The following PPP1R3A variants were observed in gnomAD, a reference collection of about 807,000 sequenced individuals.
PPP1R3A encodes the protein RG1.
Under a neutral mutation model 41.7 loss-of-function variants are expected in PPP1R3A, and 29 were observed. That is an observed-to-expected ratio of 0.70 (90% CI 0.52 to 0.95). The LOEUF is 0.95. Among genes scored for constraint, PPP1R3A ranks in the 40% least tolerant of loss-of-function variants. The probability of loss-of-function intolerance (pLI) is 0.00; values close to 1 mark genes in which losing one functional copy is unlikely to be tolerated. For synonymous variants in PPP1R3A, 485 were observed against 453.4 expected (o/e 1.07, Z -0.89); for missense variants, 1,352 against 1,292.4 (o/e 1.05, Z -0.71).
intron 1 of PPP1R3A, among the ~76,000 whole-genome samples, chr7:113,894,114 T>G (rs1796939400): frequency 1.3e-5 from 2 of 151,986 alleles, no homozygotes; most frequent in Non-Finnish European, 2.9e-5. Context: ...TGTAGAGCTG[T>G]GTACTCTCCA....
intron 1 of PPP1R3A, among the ~76,000 whole-genome samples, chr7:113,902,695 C>T (rs754233235): frequency 2.6e-5 from 4 of 151,948 alleles, no homozygotes; most frequent in African/African-American, 7.2e-5. Context: ...GTTACCTTCT[C>T]GATGAAGTGC....
chr7:113,918,214 C>G lies in PPP1R3A; in HGVS notation c.782+1G>C. 1 of 1,596,214 alleles carries G rather than the reference C, an allele frequency of 6.3e-7. No individual in the cohort carries two copies. Among genetic ancestry groups the G allele is most frequent in the Non-Finnish European group, 8.5e-7 (1 of 1,173,628 alleles). Reference sequence around the variant, plus strand: ...ATAAAATATGTAAGATATATCCTCACCTTGATTTTACCTTTAAGCAGCCTT... The same window carrying G: ...ATAAAATATGTAAGATATATCCTCAGCTTGATTTTACCTTTAAGCAGCCTT... On this transcript the variant is annotated splice_donor_variant, in intron 1 of 3. Coordinates refer to ENST00000284601, the MANE Select transcript of PPP1R3A (RefSeq NM_002711.4). LOFTEE classifies it high-confidence loss of function.
chr7:113,910,373 A>C (rs1289949822), intron 1 of PPP1R3A, among the ~76,000 whole-genome samples: 2 of 152,108 alleles, frequency 1.3e-5, no homozygotes, highest in Non-Finnish European at 2.9e-5. Context: ...AACTGTTCAG[A>C]AATCAAGTAC....
Position 113,913,510 on chromosome 7 carries a change from G to A in PPP1R3A, c.782+4705C>T, listed in dbSNP as rs533206018. On this transcript the variant is annotated intron_variant, in intron 1 of 3. Transcript: ENST00000284601. ...GAGGACTAATCAATTTTCTCCTTTG[G>A]CATTAAAGTCATTTAGGACTTTATT... Among the ~76,000 whole-genome samples, 17 of 152,038 alleles carry A rather than the reference G, an allele frequency of 1.1e-4. 1 individual carries two copies. In the South Asian group the frequency reaches 1.9e-3, roughly 17 times the overall value.
intron 1 of PPP1R3A, among the ~76,000 whole-genome samples, chr7:113,888,090 G>A (rs190438408): frequency 1.3e-5 from 2 of 152,164 alleles, no homozygotes; most frequent in Admixed American, 1.3e-4. Flanking sequence ...TGTTCAGAGG[G>A]CTGGACTCTG....
At chr7:113,890,282 G>T (rs140142519) in intron 1 of PPP1R3A, among the ~76,000 whole-genome samples, 1 of 152,096 alleles carries the variant, frequency 6.6e-6, no homozygotes, top group Non-Finnish European at 1.5e-5. Context: ...CTATTCAGGG[G>T]CCAGAAATCG....
intron 1 of PPP1R3A, among the ~76,000 whole-genome samples, chr7:113,888,676 T>C (rs1796829687): frequency 6.6e-6 from 1 of 152,178 alleles, no homozygotes; most frequent in East Asian, 1.9e-4. Context: ...TTTTTCAGGG[T>C]TCCTCCCTAA....
At chr7:113,896,855 T>C (rs1482015890) in intron 1 of PPP1R3A, among the ~76,000 whole-genome samples, 1 of 144,488 alleles carries the variant, frequency 6.9e-6, no homozygotes, top group Non-Finnish European at 1.5e-5. Flanking sequence ...ACACATTCCC[T>C]TTTGAAAAAA....
chr7:113,911,834 G>A (rs1439536039), intron 1 of PPP1R3A, among the ~76,000 whole-genome samples: 1 of 152,052 alleles, frequency 6.6e-6, no homozygotes, highest in African/African-American at 2.4e-5. Flanking sequence ...CTTGGGCACA[G>A]TACTAGCCAT....
chr7:113,892,245 T>C (rs1482757526), intron 1 of PPP1R3A, among the ~76,000 whole-genome samples: 1 of 152,086 alleles, frequency 6.6e-6, no homozygotes, highest in Non-Finnish European at 1.5e-5. Context: ...AAATCAGAAA[T>C]ATGAGCCTCC....
chr7:113,890,052 A>C (rs1472476743), intron 1 of PPP1R3A, among the ~76,000 whole-genome samples: 1 of 151,406 alleles, frequency 6.6e-6, no homozygotes, highest in Non-Finnish European at 1.5e-5. Context: ...TTCCAAGCTT[A>C]AGGCATTATA....
chr7:113,879,085 C>T lies in PPP1R3A; in HGVS notation c.2007G>A (p.Lys669=), dbSNP rs1584809836. Residue 669 remains lysine (K), a synonymous_variant, in exon 4 of 4, where the codon AAG becomes AAA. Transcript: ENST00000284601. ...LESQGKSREN[K]TNITEHIKGQ... is the part of the protein sequence containing the mutation. Reference sequence around the variant, plus strand: ...CTTTGATATGCTCTGTTATGTTTGTCTTATTCTCTCTTGATTTTCCCTGAC... The same window carrying T: ...CTTTGATATGCTCTGTTATGTTTGTTTTATTCTCTCTTGATTTTCCCTGAC... 1 of 1,613,760 alleles carries T rather than the reference C, an allele frequency of 6.2e-7. No homozygotes were observed. Among genetic ancestry groups the T allele is most frequent in the Non-Finnish European group, 8.5e-7 (1 of 1,179,804 alleles).
chr7:113,897,141 C>A (rs1226900633), intron 1 of PPP1R3A, among the ~76,000 whole-genome samples: 2 of 151,820 alleles, frequency 1.3e-5, no homozygotes, highest in African/African-American at 4.8e-5. Flanking sequence ...ATTACTATTT[C>A]TCTCTTAAAT....
At chr7:113,881,788 A>C (rs1796698865) in intron 3 of PPP1R3A, among the ~76,000 whole-genome samples, 1 of 152,038 alleles carries the variant, frequency 6.6e-6, no homozygotes, top group African/African-American at 2.4e-5. Flanking sequence ...TAATTCCTGC[A>C]AACTATTACT....
chr7:113,894,633 T>C (rs1796949099), intron 1 of PPP1R3A, among the ~76,000 whole-genome samples: 1 of 151,934 alleles, frequency 6.6e-6, no homozygotes, highest in East Asian at 1.9e-4. Flanking sequence ...GTGTTTTTTT[T>C]CCTAGGGATA....
At chr7:113,880,242 T>C (rs1377249613) in intron 3 of PPP1R3A, 117 bp from the exon 4 acceptor site, 1 of 984,682 alleles carries the variant, frequency 1.0e-6, no homozygotes. Flanking sequence ...CTTTGACTGA[T>C]TTCATTTGTG....
rs1167559994 is a variant in PPP1R3A, at chr7:113,878,385, T to C, written c.2707A>G (p.Asn903Asp). ...TGAGGAGCTCTATTAGTGTCTGAGT[T>C]AAAAGCAGAATGCACAATGGCATCC... The part of the protein sequence containing the change: ...DSDAIVHSAF[N>D]SDTNRAPQNS... The change falls in exon 4 of 4, where the codon AAC becomes GAC. Residue 903 changes from asparagine (N) to aspartate (D), a missense_variant. Coordinates refer to ENST00000284601, the MANE Select transcript of PPP1R3A (RefSeq NM_002711.4). 2.5e-6 allele frequency: 4 copies of C among 1,611,916 alleles called. No individual in the cohort carries two copies. Among genetic ancestry groups the C allele is most frequent in the Non-Finnish European group, 3.4e-6 (4 of 1,179,644 alleles).
chr7:113,885,984 G>A (rs140320055), intron 1 of PPP1R3A, among the ~76,000 whole-genome samples: 2 of 149,046 alleles, frequency 1.3e-5, no homozygotes, highest in Admixed American at 1.3e-4. Context: ...ACATATATAG[G>A]TAGTTTTTAG....
In PPP1R3A at chr7:113,878,776, C is replaced by T. The variant is rs34610491; in HGVS notation, c.2316G>A (p.Ala772=). 283 of 1,613,568 alleles carry T rather than the reference C, an allele frequency of 1.8e-4. No homozygotes were observed. The highest frequency in any genetic ancestry group is 1.4e-3 in the African/African-American group (105 of 75,000). ...SDRPIEVKET[A]FDPHEGRNDD... is the part of the protein sequence containing the mutation. ...CATTTCTCCCTTCATGTGGATCAAA[C>T]GCTGTTTCCTTTACCTCGATGGGCC... The change falls in exon 4 of 4, where the codon GCG becomes GCA. Residue 772 remains alanine (A), a synonymous_variant. Coordinates refer to ENST00000284601, the MANE Select transcript of PPP1R3A (RefSeq NM_002711.4).
Sources: gnomAD v4.1 joint callset for allele counts (sites outside exome capture counted in the v4.1 genomes callset) on GRCh38, gnomAD v4.1.1 for gene constraint, MANE v1.5 for transcripts, NCBI Gene and HGNC (gene_info 2026-07-23, HGNC 2026-07-21) for gene names.